Variants in NR1I3 observed in about 807,000 individuals in gnomAD.
NR1I3 encodes the protein nuclear receptor subfamily 1 group I member 3.
A neutral mutation model predicts 38.4 loss-of-function variants in NR1I3; 30 were observed. The observed-to-expected ratio is 0.78, with a 90% confidence interval of 0.58 to 1.06. NR1I3 has a LOEUF of 1.06. Among genes scored for constraint, NR1I3 ranks in the 50% least tolerant of loss-of-function variants. The pLI is 0.00. For synonymous variants in NR1I3, 143 were observed against 165.1 expected (o/e 0.87, Z 1.03); for missense variants, 388 against 435.7 (o/e 0.89, Z 0.97).
At chr1:161,236,718 C>G in intron 1 of NR1I3, 120 bp from the exon 2 acceptor site, 1 of 806,286 alleles carries the variant, frequency 1.2e-6, no homozygotes, top group Non-Finnish European at 1.8e-6. Flanking sequence ...CTGGCGTTAT[C>G]TTTTGTGGTT....
At chr1:161,232,708 GGCTGAC>G in intron 5 of NR1I3, 93 bp downstream of exon 5, 1 of 1,204,070 alleles carries the variant, frequency 8.3e-7, no homozygotes, top group African/African-American at 1.5e-5. Context: ...TGCTTGGAAA[GGCTGAC>G]GCATGTGATA....
rs773173955 is a variant in NR1I3 at position 161,232,787 on chromosome 1, G to T, written c.548+20C>A. 1.9e-6 allele frequency: 3 copies of T among 1,613,268 alleles called. No individual in the cohort carries two copies. Among genetic ancestry groups the T allele is most frequent in the Non-Finnish European group, 2.5e-6 (3 of 1,179,326 alleles). ...TTACTGAAGTGTTTGCCTCCTGAAA[G>T]ATGAGGGGAGGTCACTCACCGGAAG... On this transcript the variant is annotated intron_variant, in intron 5 of 8. Transcript: ENST00000367983.
intron 4 of NR1I3, 28 bp downstream of exon 4, chr1:161,233,141 T>C: frequency 1.2e-6 from 2 of 1,609,080 alleles, no homozygotes; most frequent in East Asian, 4.5e-5. Context: ...TTTAGTTGTA[T>C]TCCAACCCAA....
Position 161,238,041 on chromosome 1 carries a change from C to T in NR1I3, c.-34G>A, listed in dbSNP as rs1668939692. Reference sequence around the variant, plus strand: ...CTTTGGTCCCCAACAGATTTCCTACCTGCTTCTCTTAGGCAGCATGTCACC... The same window carrying T: ...CTTTGGTCCCCAACAGATTTCCTACTTGCTTCTCTTAGGCAGCATGTCACC... On this transcript the variant is annotated splice_region_variant and 5_prime_UTR_variant, in exon 1 of 9. Transcript: ENST00000367983. 2 of 1,613,614 alleles carry T rather than the reference C, an allele frequency of 1.2e-6. No homozygotes were observed. Among genetic ancestry groups the T allele is most frequent in the Non-Finnish European group, 1.7e-6 (2 of 1,179,524 alleles).
In NR1I3 at chr1:161,238,023, C is replaced by T; in HGVS notation, c.-34+18G>A. 6.2e-7 allele frequency: 1 copy of T among 1,608,156 alleles called. No homozygotes were observed. On this transcript the variant is annotated intron_variant, in intron 1 of 8. Transcript: ENST00000367983. ...TATTTTATTACATTTAGTCTTTGGTCCCCAACAGATTTCCTACCTGCTTCT... is the reference window on the plus strand; with the variant it reads ...TATTTTATTACATTTAGTCTTTGGTTCCCAACAGATTTCCTACCTGCTTCT...
chr1:161,233,443 T>C, intron 3 of NR1I3, 105 bp from the exon 4 acceptor site: 2 of 1,152,128 alleles, frequency 1.7e-6, no homozygotes, highest in Non-Finnish European at 2.5e-6. Flanking sequence ...CAACGAAGGA[T>C]GGGGGCAGTG....
Position 161,229,929 on chromosome 1 carries a change from T to A in NR1I3, c.918-3A>T. 6.2e-7 allele frequency: 1 copy of A among 1,614,098 alleles called. No homozygotes were observed. Among genetic ancestry groups the A allele is most frequent in the Non-Finnish European group, 8.5e-7 (1 of 1,180,008 alleles). On this transcript the variant is annotated splice_region_variant and splice_polypyrimidine_tract_variant and intron_variant, in intron 8 of 8. Coordinates refer to ENST00000367983, the MANE Select transcript of NR1I3 (RefSeq NM_005122.5). ...CTAGCAACTTCGCATACAGAAACCT[T>A]TGGAGGAAGTAGTGGGGTTGCCAGG...
chr1:161,230,656 G>A (rs965710106), intron 8 of NR1I3, 157 bp downstream of exon 8: 10 of 912,412 alleles, frequency 1.1e-5, no homozygotes, highest in South Asian at 1.7e-5. Context: ...ATGCTGAAAC[G>A]ATGTGAGACA....
At chr1:161,230,047 G>A in intron 8 of NR1I3, 121 bp from the exon 9 acceptor site, 1 of 1,213,316 alleles carries the variant, frequency 8.2e-7, no homozygotes, top group African/African-American at 1.5e-5. Context: ...GAACATTAGA[G>A]AAAATCATGC....
At position 161,233,877 on chromosome 1, in the gene NR1I3, GTGTGTGTGTGTA is replaced by G. The variant is rs1185719725; in HGVS notation, c.239-551_239-540del. The stretch of plus-strand genomic sequence containing the variant: ...TGTGTGTGTGTGTGTGTGTGTGTGT[GTGTGTGTGTGTA>G]TATGTGTGTGTATATATATGTGTAT... On this transcript the variant is annotated intron_variant, in intron 3 of 8. Transcript: ENST00000367983. Among the ~76,000 whole-genome samples the G allele has an allele frequency of 9.1e-3, 1,046 of 114,752 alleles. 9 individuals carry two copies. The highest frequency in any genetic ancestry group is 0.013 in the African/African-American group (406 of 30,274). The allele number at this position is 114,752 out of a possible 152,430, so 75.3% of individuals were successfully genotyped here. A position where few individuals can be genotyped will look rare whatever the true frequency, so the allele number is the denominator to read the frequency against.
chr1:161,235,610 T>G, intron 3 of NR1I3: 1 of 425,896 alleles, frequency 2.3e-6, no homozygotes, highest in South Asian at 2.2e-5. Flanking sequence ...TGGCTAGAAT[T>G]GGTTGAGTAA....
intron 8 of NR1I3, 167 bp from the exon 9 acceptor site, chr1:161,230,093 C>T (rs1035696978): frequency 3.9e-6 from 3 of 760,140 alleles, no homozygotes; most frequent in African/African-American, 3.5e-5. Flanking sequence ...TCCAAAGGTC[C>T]TCCAGGGGGC....
chr1:161,231,663 G>C (rs1248560242), intron 5 of NR1I3, among the ~76,000 whole-genome samples, 189 bp from the exon 6 acceptor site: 1 of 151,992 alleles, frequency 6.6e-6, no homozygotes, highest in Non-Finnish European at 1.5e-5. Flanking sequence ...ACCATGCCTG[G>C]CTGATTTTTT....
intron 5 of NR1I3, among the ~76,000 whole-genome samples, chr1:161,232,429 C>G (rs901295671): frequency 6.6e-6 from 1 of 152,172 alleles, no homozygotes; most frequent in East Asian, 1.9e-4. Flanking sequence ...TCCTGAGTAC[C>G]TGGGACTACA....
intron 5 of NR1I3, 144 bp from the exon 6 acceptor site, chr1:161,231,618 A>G (rs1667300375): frequency 5.3e-6 from 4 of 751,414 alleles, no homozygotes; most frequent in Non-Finnish European, 6.2e-6. Flanking sequence ...CTCCTGCCTC[A>G]GCCTCCCAAG....
chr1:161,235,254 G>GAGTT, intron 3 of NR1I3: 1 of 92,100 alleles, frequency 1.1e-5, no homozygotes, highest in Non-Finnish European at 2.0e-5. Flanking sequence ...AGTGCGCTTG[G>GAGTT]TGTTTTTTTT....
At chr1:161,230,968 T>C in intron 7 of NR1I3, 50 bp from the exon 8 acceptor site, 2 of 1,613,082 alleles carry the variant, frequency 1.2e-6, no homozygotes, top group Non-Finnish European at 1.7e-6. Context: ...GGGGTGGGCC[T>C]GCGTGGTGCC....
At chr1:161,232,026 C>T (rs1434689972) in intron 5 of NR1I3, among the ~76,000 whole-genome samples, 1 of 151,852 alleles carries the variant, frequency 6.6e-6, no homozygotes, top group Non-Finnish European at 1.5e-5. Context: ...GTTGCTCTGT[C>T]ACCCAGGCTG....
At chr1:161,236,302 T>C (rs924739015) in intron 2 of NR1I3, 157 bp downstream of exon 2, 6 of 836,400 alleles carry the variant, frequency 7.2e-6, no homozygotes, top group Admixed American at 5.6e-5. Context: ...TACAGTGATG[T>C]GTTTGGCAAG....
Sources: gnomAD v4.1 joint callset for allele counts (sites outside exome capture counted in the v4.1 genomes callset) on GRCh38, gnomAD v4.1.1 for gene constraint, MANE v1.5 for transcripts, NCBI Gene and HGNC (gene_info 2026-07-23, HGNC 2026-07-21) for gene names.